FBN2: variants seen among roughly 807,000 people sequenced by gnomAD.
FBN2 encodes the protein fibrillin 2.
FBN2 carries 105 observed loss-of-function variants against 355.6 expected under a neutral mutation model. That is an observed-to-expected ratio of 0.30 (90% CI 0.25 to 0.35). FBN2 has a LOEUF of 0.35. Ranked by LOEUF, FBN2 falls within the 10% of genes least tolerant of loss-of-function variation. The pLI is 1.00. For missense variants in FBN2, 3,280 were observed against 3,758.7 expected (o/e 0.87, Z 3.33); for synonymous variants, 1,350 against 1,301.2 (o/e 1.04, Z -0.81).
Position 128,335,991 on chromosome 5 carries a change from T to C in FBN2, c.3721A>G (p.Thr1241Ala), listed in dbSNP as rs754701797. 4 of 1,614,078 alleles carry C rather than the reference T, an allele frequency of 2.5e-6. No homozygotes were observed. The highest frequency in any genetic ancestry group is 1.7e-5 in the Admixed American group (1 of 60,026). Residue 1241 changes from threonine to alanine, a missense_variant, in exon 28 of 65, where the codon ACA becomes GCA. Coordinates refer to ENST00000262464, the MANE Select transcript of FBN2 (RefSeq NM_001999.4). ...GGCCTGCTTGGTCTCCCCTTACCTGTACAGCCCTGGCGGTCTGGCGTAGCC... is the reference window on the plus strand; with the variant it reads ...GGCCTGCTTGGTCTCCCCTTACCTGCACAGCCCTGGCGGTCTGGCGTAGCC... The part of the protein sequence containing the change: ...YQATPDRQGC[T>A]DIDECMIMNG...
chr5:128,344,806 T>C (rs1751126290), intron 24 of FBN2, among the ~76,000 whole-genome samples: 1 of 152,000 alleles, frequency 6.6e-6, no homozygotes, highest in Non-Finnish European at 1.5e-5. Flanking sequence ...GTTCAAGCGA[T>C]TCTCCTGCCT....
chr5:128,422,164 C>G (rs1229025408), intron 7 of FBN2, among the ~76,000 whole-genome samples: 1 of 152,138 alleles, frequency 6.6e-6, no homozygotes. Context: ...TTGGTTAGAC[C>G]ATTCTGACTT....
At chr5:128,370,575 A>C (rs528627077) in intron 15 of FBN2, among the ~76,000 whole-genome samples, 12 of 152,316 alleles carry the variant, frequency 7.9e-5, no homozygotes, top group South Asian at 4.1e-4. Context: ...TGAGTTACAC[A>C]AACACAGATT....
chr5:128,374,665 T>TG lies in FBN2; in HGVS notation c.2057dup (p.Gly687ArgfsTer13). ...GTCCATCCATGCCCACAGCCAGGCC[T>TG]GGGGGACAGTCACAGCGGAAGGACC... On this transcript the variant is annotated frameshift_variant, in exon 15 of 65. Coordinates refer to ENST00000262464, the MANE Select transcript of FBN2 (RefSeq NM_001999.4). LOFTEE classifies it high-confidence loss of function. 6.2e-7 allele frequency: 1 copy of TG among 1,613,974 alleles called. No individual in the cohort carries two copies. The highest frequency in any genetic ancestry group is 8.5e-7 in the Non-Finnish European group (1 of 1,179,920).
At chr5:128,343,227 A>T (rs1457051822) in intron 25 of FBN2, among the ~76,000 whole-genome samples, 2 of 152,198 alleles carry the variant, frequency 1.3e-5, no homozygotes, top group African/African-American at 4.8e-5. Flanking sequence ...AGTGTTGTCA[A>T]GCAGCTTCAA....
At chr5:128,337,945 G>A in intron 27 of FBN2, 52 bp downstream of exon 27, 1 of 1,602,532 alleles carries the variant, frequency 6.2e-7, no homozygotes, top group Non-Finnish European at 8.5e-7. Flanking sequence ...ACTGATCCCT[G>A]GTCTTTACCA....
chr5:128,361,987 C>T (rs1751651362), intron 18 of FBN2, 139 bp from the exon 19 acceptor site: 1 of 826,614 alleles, frequency 1.2e-6, no homozygotes, highest in African/African-American at 1.7e-5. Flanking sequence ...GCGCACTCTT[C>T]ATCCTAAGCA....
intron 24 of FBN2, 28 bp downstream of exon 24, chr5:128,345,329 G>T (rs1374980593): frequency 1.3e-6 from 2 of 1,567,324 alleles, no homozygotes; most frequent in Admixed American, 1.7e-5. Flanking sequence ...GGTGAAGAAG[G>T]ACCAAGGCGC....
intron 7 of FBN2, among the ~76,000 whole-genome samples, chr5:128,431,342 G>T (rs1753621661): frequency 6.6e-6 from 1 of 152,138 alleles, no homozygotes; most frequent in Non-Finnish European, 1.5e-5. Context: ...TATGTTCCAT[G>T]ACCCTCAATG....
intron 5 of FBN2, among the ~76,000 whole-genome samples, chr5:128,486,952 A>C: frequency 6.6e-6 from 1 of 151,848 alleles, no homozygotes; most frequent in East Asian, 1.9e-4. Context: ...AACTCATGCA[A>C]CTCTTAGAAT....
chr5:128,333,111 G>C, intron 31 of FBN2, 77 bp from the exon 32 acceptor site: 1 of 1,320,990 alleles, frequency 7.6e-7, no homozygotes. Flanking sequence ...TTTTTGTATA[G>C]GTAACATTTT....
intron 28 of FBN2, 114 bp from the exon 29 acceptor site, chr5:128,335,691 G>A: frequency 8.0e-7 from 1 of 1,254,598 alleles, no homozygotes; most frequent in Admixed American, 1.7e-5. Flanking sequence ...CACTATGTGT[G>A]TTGATTGAAC....
At chr5:128,303,843 G>T (rs1749788118) in intron 45 of FBN2, among the ~76,000 whole-genome samples, 1 of 151,468 alleles carries the variant, frequency 6.6e-6, no homozygotes, top group South Asian at 2.1e-4. Flanking sequence ...ATTTTTTTTT[G>T]GTAAATCATA....
intron 51 of FBN2, 117 bp downstream of exon 51, chr5:128,289,765 C>G (rs1332827223): frequency 1.5e-6 from 1 of 672,244 alleles, no homozygotes; most frequent in African/African-American, 1.8e-5. Flanking sequence ...TATATACATC[C>G]ATTAAATACA....
At chr5:128,345,270 A>C in intron 24 of FBN2, 87 bp downstream of exon 24, 5 of 1,134,284 alleles carry the variant, frequency 4.4e-6, no homozygotes, top group Non-Finnish European at 5.4e-6. Context: ...TGGGAAGTCA[A>C]ACATTTAAAG....
At chr5:128,509,900 C>T (rs1756066978) in intron 5 of FBN2, among the ~76,000 whole-genome samples, 1 of 106,696 alleles carries the variant, frequency 9.4e-6, no homozygotes, top group South Asian at 2.7e-4. Context: ...TATTTCCAGG[C>T]TTATGTGCAA....
In FBN2 at chr5:128,288,434, T is replaced by C. The variant is rs760293157; in HGVS notation, c.6757+4A>G. Reference sequence around the variant, plus strand: ...AAATAATATTTAAGACAAAGATCACTTGCCTTCACAATTCATCATGGGCCC... The same window carrying C: ...AAATAATATTTAAGACAAAGATCACCTGCCTTCACAATTCATCATGGGCCC... On this transcript the variant is annotated splice_donor_region_variant and intron_variant, in intron 53 of 64. Coordinates refer to ENST00000262464, the MANE Select transcript of FBN2 (RefSeq NM_001999.4). 1.2e-6 allele frequency: 2 copies of C among 1,614,004 alleles called. No homozygotes were observed. The highest frequency in any genetic ancestry group is 2.2e-5 in the South Asian group (2 of 91,082).
intron 17 of FBN2, among the ~76,000 whole-genome samples, chr5:128,366,131 A>G (rs1234457170): frequency 6.8e-6 from 1 of 147,256 alleles, no homozygotes; most frequent in African/African-American, 2.4e-5. Context: ...AAATCAGGAG[A>G]GTAGTTTGTT....
chr5:128,313,217 G>C (rs1376998292), intron 36 of FBN2, among the ~76,000 whole-genome samples: 1 of 150,524 alleles, frequency 6.6e-6, no homozygotes, highest in Non-Finnish European at 1.5e-5. Flanking sequence ...CAAACTTAGA[G>C]AAGATACTTA....
Sources: gnomAD v4.1 joint callset for allele counts (sites outside exome capture counted in the v4.1 genomes callset) on GRCh38, gnomAD v4.1.1 for gene constraint, MANE v1.5 for transcripts, NCBI Gene and HGNC (gene_info 2026-07-23, HGNC 2026-07-21) for gene names.